The following SLC22A14 variants were observed in gnomAD, a reference collection of about 807,000 sequenced individuals.
SLC22A14 encodes solute carrier family 22 member 14.
Under a neutral mutation model 53.9 loss-of-function variants are expected in SLC22A14, and 50 were observed. That is an observed-to-expected ratio of 0.93 (90% CI 0.74 to 1.17). The LOEUF (loss-of-function observed/expected upper bound fraction) is 1.17, where lower values mean the gene tolerates loss of function less well. Ranked by LOEUF, SLC22A14 falls within the 50% of genes most tolerant of loss-of-function variation. SLC22A14 has a pLI of 0.00. For synonymous variants in SLC22A14, 312 were observed against 303.0 expected (o/e 1.03, Z -0.31); for missense variants, 671 against 734.7 (o/e 0.91, Z 1.00).
Position 38,307,204 on chromosome 3 carries a change from C to G in SLC22A14, c.517-50C>G, listed in dbSNP as rs1704329549. The G allele has an allele frequency of 7.5e-7, 1 of 1,326,402 alleles. No individual in the cohort carries two copies. Among genetic ancestry groups the G allele is most frequent in the African/African-American group, 1.4e-5 (1 of 69,328 alleles). The allele number at this position is 1,326,402 out of a possible 1,614,324, so 82.2% of individuals were successfully genotyped here. A position where few individuals can be genotyped will look rare whatever the true frequency, so the allele number is the denominator to read the frequency against. ...CCCACGCTGGGATGAGTCTCAGTCT[C>G]TGGACCCAAAGGTGGGCACCCGTGG... On this transcript the variant is annotated intron_variant, in intron 2 of 10. Transcript: ENST00000448498. The surrounding 1 kb of genome is among the most constrained non-coding windows in gnomAD (Gnocchi z 4.4).
At chr3:38,281,418 G>A (rs1182210390), upstream of SLC22A14, among the ~76,000 whole-genome samples, 1 of 152,136 alleles carries the variant, frequency 6.6e-6, no homozygotes. Flanking sequence ...TACAGTTCTG[G>A]AGGCTGGGAA....
intron 4 of SLC22A14, chr3:38,308,168 G>T (rs1048862224): frequency 6.4e-6 from 1 of 156,180 alleles, no homozygotes; most frequent in Non-Finnish European, 1.4e-5. Flanking sequence ...GAGGAAAGAA[G>T]AAGAAAGAAG....
intron 1 of SLC22A14, among the ~76,000 whole-genome samples, chr3:38,300,949 A>G (rs575796053): frequency 6.6e-6 from 1 of 152,176 alleles, no homozygotes; most frequent in East Asian, 1.9e-4. Context: ...CGCTAGGACT[A>G]CAAGTGTATT....
At chr3:38,310,772 C>T (rs1165847349) in intron 5 of SLC22A14, among the ~76,000 whole-genome samples, 1 of 152,126 alleles carries the variant, frequency 6.6e-6, no homozygotes, top group Non-Finnish European at 1.5e-5. Context: ...TCTCCTCATC[C>T]TAGCACATGG....
intron 1 of SLC22A14, among the ~76,000 whole-genome samples, chr3:38,303,521 C>T (rs1435326192): frequency 6.6e-6 from 1 of 151,948 alleles, no homozygotes; most frequent in East Asian, 1.9e-4. Context: ...AACTTAAAAA[C>T]ATATGGAGTT....
At chr3:38,306,957 C>T (rs1704322417) in intron 2 of SLC22A14, among the ~76,000 whole-genome samples, 6 of 152,240 alleles carry the variant, frequency 3.9e-5, no homozygotes, top group Admixed American at 3.9e-4. Context: ...GGGCCTAGCA[C>T]CTGCCTTTGG....
intron 1 of SLC22A14, among the ~76,000 whole-genome samples, chr3:38,287,283 A>G (rs919803575): frequency 6.6e-6 from 1 of 152,208 alleles, no homozygotes; most frequent in Admixed American, 6.5e-5. Context: ...ACACATTCTT[A>G]TATACCTGTA....
intron 1 of SLC22A14, among the ~76,000 whole-genome samples, chr3:38,290,706 G>A (rs953280349): frequency 6.6e-6 from 1 of 152,222 alleles, no homozygotes. Flanking sequence ...CCTGAGAGGA[G>A]GAAACTATGT....
chr3:38,299,053 GATATGCTATTT>G (rs1432662605), intron 1 of SLC22A14, among the ~76,000 whole-genome samples: 1 of 152,138 alleles, frequency 6.6e-6, no homozygotes, highest in African/African-American at 2.4e-5. Context: ...ATATGTAGTT[GATATGCTATTT>G]TTCAGTTACT....
chr3:38,292,328 G>A (rs1282561784), intron 1 of SLC22A14, among the ~76,000 whole-genome samples: 2 of 152,202 alleles, frequency 1.3e-5, no homozygotes, highest in Non-Finnish European at 2.9e-5. Flanking sequence ...TTGAGAGTCA[G>A]GATGTACAGG....
rs28871419 is a variant in SLC22A14 at position 38,293,080 on chromosome 3, T to C, written c.-1+10741T>C. On this transcript the variant is annotated intron_variant, in intron 1 of 10. Transcript: ENST00000448498. ...GCTCTGTGAGGGTGATGGCATGGGCTGGTGCTTGCTCCGGGAACCCTCAGT... is the reference window on the plus strand; with the variant it reads ...GCTCTGTGAGGGTGATGGCATGGGCCGGTGCTTGCTCCGGGAACCCTCAGT... Among the ~76,000 whole-genome samples, 1,368 of 152,218 alleles carry C rather than the reference T, an allele frequency of 9.0e-3. 15 individuals carry two copies. The highest frequency in any genetic ancestry group is 0.032 in the African/African-American group (1,316 of 41,532).
At chr3:38,279,175 T>C (rs147623815), upstream of SLC22A14, among the ~76,000 whole-genome samples, 1 of 152,214 alleles carries the variant, frequency 6.6e-6, no homozygotes, top group Non-Finnish European at 1.5e-5. Context: ...TCACTCACGA[T>C]TCTCAGCTTT....
At chr3:38,286,513 C>T (rs1703796148) in intron 1 of SLC22A14, among the ~76,000 whole-genome samples, 1 of 151,812 alleles carries the variant, frequency 6.6e-6, no homozygotes, top group Non-Finnish European at 1.5e-5. Flanking sequence ...CTCCTTCAAG[C>T]AGTTCTCCTG....
chr3:38,315,855 C>T (rs1464354239), intron 9 of SLC22A14, 144 bp downstream of exon 9: 1 of 873,476 alleles, frequency 1.1e-6, no homozygotes, highest in Non-Finnish European at 1.8e-6. Context: ...ATTTAAACAC[C>T]ACCAGAAAAT....
At chr3:38,295,965 A>G (rs1387500278) in intron 1 of SLC22A14, among the ~76,000 whole-genome samples, 1 of 152,228 alleles carries the variant, frequency 6.6e-6, no homozygotes, top group East Asian at 1.9e-4. Context: ...CTGGGTTTAT[A>G]GCCTAGATGC....
rs193054238 is a variant in SLC22A14 at position 38,296,398 on chromosome 3, A to G, written c.1-9629A>G. 4.2e-3 allele frequency among the ~76,000 whole-genome samples: 634 copies of G among 151,116 alleles called. 4 individuals carry two copies. The highest frequency in any genetic ancestry group is 5.1e-3 in the Non-Finnish European group (347 of 67,718). ...CAAACAGCCTCACACCTTGAGTCTT[A>G]AGTCCGGCAGCCATGCTAATCATTT... is the stretch of plus-strand genomic sequence containing the variant. On this transcript the variant is annotated intron_variant, in intron 1 of 10. Transcript: ENST00000448498.
chr3:38,292,821 A>T (rs1018153907), intron 1 of SLC22A14, among the ~76,000 whole-genome samples: 1 of 152,142 alleles, frequency 6.6e-6, no homozygotes, highest in African/African-American at 2.4e-5. Context: ...TCTCTCCCTA[A>T]CAAGGAAATG....
rs190317399 is a variant in SLC22A14 at position 38,286,692 on chromosome 3, G to A, written c.-1+4353G>A. Among the ~76,000 whole-genome samples, 97 of 150,826 alleles carry A rather than the reference G, an allele frequency of 6.4e-4. No homozygotes were observed. In the South Asian group the frequency reaches 6.7e-3, roughly 10 times the overall value. ...CTCCCAAAGTGCTGGGATTACAGGC[G>A]TGAGCCACCGTGCCTGGCCCTGATT... is the stretch of plus-strand genomic sequence containing the variant. On this transcript the variant is annotated intron_variant, in intron 1 of 10. Transcript: ENST00000448498.
intron 1 of SLC22A14, among the ~76,000 whole-genome samples, chr3:38,304,881 G>C (rs905315326): frequency 1.3e-5 from 2 of 152,040 alleles, no homozygotes; most frequent in Non-Finnish European, 2.9e-5. Flanking sequence ...TTCTCCTTGT[G>C]GGCTTCCAAT....
Sources: allele counts gnomAD v4.1 joint callset (sites outside exome capture counted in the v4.1 genomes callset), GRCh38; gene constraint gnomAD v4.1.1; non-coding constraint Gnocchi (gnomAD v3.1); transcripts MANE v1.5; gene names NCBI Gene and HGNC (gene_info 2026-07-23, HGNC 2026-07-21).